The following TUBB8B variants were observed in gnomAD, a reference collection of about 807,000 sequenced individuals.
TUBB8B encodes HSA18p11 beta-tubulin 4Q pseudogene.
Under a neutral mutation model 31.9 loss-of-function variants are expected in TUBB8B, and 26 were observed. The observed-to-expected ratio is 0.81, with a 90% CI of 0.60 to 1.13. The LOEUF (loss-of-function observed/expected upper bound fraction) is 1.13. Among genes scored for constraint, TUBB8B ranks in the 50% most tolerant of loss-of-function variants. The pLI, the probability that TUBB8B is intolerant of heterozygous loss-of-function variation, is 0.00. For synonymous variants in TUBB8B, 173 were observed against 231.0 expected, an observed-to-expected ratio of 0.75 and a Z score of 2.28; for missense variants, 467 against 586.7, an observed-to-expected ratio of 0.80 and a Z score of 2.11.
rs115080061 is a variant in TUBB8B, at chr18:48,813, G to A, written c.277+127C>T. 2.4e-3 allele frequency: 1,823 copies of A among 764,508 alleles called. 30 individuals carry two copies. The African/African-American group carries it at 0.025, about 10-fold the overall frequency. 47.4% of individuals were successfully genotyped at this position (764,508 alleles called of 1,614,324 possible). On this transcript the variant is annotated intron_variant, in intron 3 of 3. Coordinates refer to ENST00000308911, the MANE Select transcript of TUBB8B (RefSeq NM_001358689.2). ...ATTTAGGAGGCAGATGAAGCGACTC[G>A]ACTCGGCGGATAGGAGGGTGTTCAG...
the TUBB8B span, among the ~76,000 whole-genome samples, chr18:64,755 A>G: frequency 6.6e-6 from 1 of 152,120 alleles, no homozygotes; most frequent in Admixed American, 6.6e-5. Context: ...CTGTTGGCAA[A>G]GGCTACAGGC....
Position 47,568 on chromosome 18 carries a change from G to A in TUBB8B, c.1157C>T (p.Thr386Ile). 1.5e-6 allele frequency: 2 copies of A among 1,332,344 alleles called. No homozygotes were observed. The highest frequency in any genetic ancestry group is 2.0e-6 in the Non-Finnish European group (2 of 1,006,098). 82.5% of individuals were successfully genotyped at this position (1,332,344 alleles called of 1,614,324 possible). ...GAAGGCCTTGCGCCTGAACATTGCT[G>A]TAAACTGCTCTGAGACACATGTGAA... ...ELFTCVSEQFTAMFRRKAFLH... is the reference protein window; with the variant it reads ...ELFTCVSEQFIAMFRRKAFLH... Residue 386 changes from threonine (T) to isoleucine (I), a missense_variant, in exon 4 of 4, where the codon ACA becomes ATA. Transcript: ENST00000308911.
At chr18:49,469 C>G (rs1004108908) in intron 1 of TUBB8B, 32 bp downstream of exon 1, 7 of 970,442 alleles carry the variant, frequency 7.2e-6, no homozygotes, top group Admixed American at 2.1e-5. Context: ...CCGGCAGGCC[C>G]GGGCTGGGCC....
the TUBB8B span, among the ~76,000 whole-genome samples, chr18:61,826 A>T: frequency 2.0e-5 from 3 of 151,558 alleles, no homozygotes; most frequent in East Asian, 5.8e-4. Flanking sequence ...AATATGTTGT[A>T]GTTATTTTTT....
rs1905873788 is a variant in TUBB8B at position 48,756 on chromosome 18, G to A, written c.277+184C>T. The A allele has an allele frequency of 1.3e-5, 9 of 707,366 alleles. 1 individual carries two copies. The highest frequency in any genetic ancestry group is 7.5e-5 in the South Asian group (5 of 66,732). 43.8% of individuals were successfully genotyped at this position (707,366 alleles called of 1,614,324 possible). A position where few individuals can be genotyped will look rare whatever the true frequency, so the allele number is the denominator to read the frequency against. ...AGGGACATCAGTAGCTCCTCACCTT[G>A]AGGAGACACCGGGGCCTTCCTCCCG... On this transcript the variant is annotated intron_variant, in intron 3 of 3. Coordinates refer to ENST00000308911, the MANE Select transcript of TUBB8B (RefSeq NM_001358689.2).
At chr18:69,359 G>T in the TUBB8B span, among the ~76,000 whole-genome samples, 1 of 152,186 alleles carries the variant, frequency 6.6e-6, no homozygotes, top group East Asian at 1.9e-4. Context: ...AGCTACTCGG[G>T]AGGCTGAAGC....
At chr18:69,067 C>A in the TUBB8B span, among the ~76,000 whole-genome samples, 80 of 152,302 alleles carry the variant, frequency 5.3e-4, 1 homozygote, top group East Asian at 0.012. Flanking sequence ...GCAAGAATCA[C>A]CCGCAATTTG....
At chr18:57,103 G>A in the TUBB8B span, among the ~76,000 whole-genome samples, 5 of 151,654 alleles carry the variant, frequency 3.3e-5, 1 homozygote, top group South Asian at 1.0e-3. Flanking sequence ...ATTTTGGTGG[G>A]AACACACACC....
chr18:61,616 C>T, the TUBB8B span, among the ~76,000 whole-genome samples: 22 of 143,204 alleles, frequency 1.5e-4, no homozygotes, highest in East Asian at 5.9e-4. Flanking sequence ...ATCTGTGGTA[C>T]GCTTTTTGAT....
At chr18:67,982 C>T in the TUBB8B span, among the ~76,000 whole-genome samples, 2 of 152,144 alleles carry the variant, frequency 1.3e-5, no homozygotes, top group African/African-American at 4.8e-5. Flanking sequence ...ACTGCTATGA[C>T]ACCCCTAAGA....
chr18:51,081 A>T (rs1174281915), upstream of TUBB8B, among the ~76,000 whole-genome samples: 1 of 151,892 alleles, frequency 6.6e-6, no homozygotes, highest in Admixed American at 6.6e-5. Flanking sequence ...CAATTAACTC[A>T]GCTTTTTGAG....
upstream of TUBB8B, chr18:49,616 G>C: frequency 1.3e-6 from 1 of 755,426 alleles, no homozygotes. Context: ...GACGCGCAGC[G>C]ACCCAGCCCG....
the TUBB8B span, among the ~76,000 whole-genome samples, chr18:72,412 G>A: frequency 6.6e-6 from 1 of 152,284 alleles, no homozygotes; most frequent in Non-Finnish European, 1.5e-5. Context: ...TTATAAAACA[G>A]ACGTCATTTT....
the TUBB8B span, among the ~76,000 whole-genome samples, chr18:65,349 A>T: frequency 6.6e-6 from 1 of 152,152 alleles, no homozygotes. Context: ...GTAATTTCAT[A>T]CTAGCACGTA....
Position 47,751 on chromosome 18 carries a change from T to TC in TUBB8B, c.973dup (p.Glu325GlyfsTer4), listed in dbSNP as rs1392147405. ...AATGTTGAACATTTGTTCATCCACC[T>TC]CCCTCATGGGCATGCGACCCCTGAA... is the stretch of plus-strand genomic sequence containing the variant. On this transcript the variant is annotated frameshift_variant, in exon 4 of 4. Coordinates refer to ENST00000308911, the MANE Select transcript of TUBB8B (RefSeq NM_001358689.2). LOFTEE classifies it high-confidence loss of function. 8 of 1,610,920 alleles carry TC rather than the reference T, an allele frequency of 5.0e-6. No homozygotes were observed. The highest frequency in any genetic ancestry group is 6.8e-6 in the Non-Finnish European group (8 of 1,178,820).
At chr18:61,668 T>C in the TUBB8B span, among the ~76,000 whole-genome samples, 2 of 149,956 alleles carry the variant, frequency 1.3e-5, no homozygotes, top group South Asian at 2.1e-4. Flanking sequence ...AACACATCAT[T>C]TTAGACTGTG....
At chr18:62,851 AC>A in the TUBB8B span, among the ~76,000 whole-genome samples, 1 of 151,362 alleles carries the variant, frequency 6.6e-6, no homozygotes. Flanking sequence ...GTCTCCTCTG[AC>A]TTTTTCTTTT....
the TUBB8B span, among the ~76,000 whole-genome samples, chr18:66,996 G>GT: frequency 0.11 from 14,984 of 139,568 alleles, 1,620 homozygotes; most frequent in African/African-American, 0.28. Context: ...TGTTTTTTTT[G>GT]TTTTTTTTTT....
chr18:65,126 C>G, the TUBB8B span, among the ~76,000 whole-genome samples: 1 of 151,956 alleles, frequency 6.6e-6, no homozygotes, highest in South Asian at 2.1e-4. Flanking sequence ...CATGGTGAAA[C>G]CCTGTCTCTA....
Sources: allele counts gnomAD v4.1 joint callset (sites outside exome capture counted in the v4.1 genomes callset), GRCh38; gene constraint gnomAD v4.1.1; transcripts MANE v1.5; gene names NCBI Gene and HGNC (gene_info 2026-07-23, HGNC 2026-07-21).